Variants in FER1L6 observed in about 807,000 individuals in gnomAD.
The protein encoded by FER1L6 is fer-1 like family member 6, also known as fer-1-like protein 6.
A neutral mutation model predicts 219.2 loss-of-function variants in FER1L6; 177 were observed. The observed-to-expected ratio is 0.81, with a 90% CI of 0.71 to 0.91. The LOEUF (loss-of-function observed/expected upper bound fraction) is 0.91, where lower values mean the gene tolerates loss of function less well. Among genes scored for constraint, FER1L6 ranks in the 40% least tolerant of loss-of-function variants. The pLI is 0.00. For synonymous variants in FER1L6, 768 were observed against 824.3 expected (o/e 0.93, Z 1.17); for missense variants, 2,153 against 2,259.9 (o/e 0.95, Z 0.96).
chr8:123,950,555 A>G (rs1418963209), intron 1 of FER1L6, among the ~76,000 whole-genome samples: 1 of 152,204 alleles, frequency 6.6e-6, no homozygotes, highest in African/African-American at 2.4e-5. Flanking sequence ...CTTGGTTCAG[A>G]GAAGCCAAAG....
intron 1 of FER1L6, among the ~76,000 whole-genome samples, chr8:123,936,911 A>AT (rs959956976): frequency 8.6e-5 from 13 of 151,608 alleles, no homozygotes; most frequent in African/African-American, 2.2e-4. Flanking sequence ...GTTAAAGAAC[A>AT]TTTTTTTTTG....
chr8:123,874,788 C>A (rs568403849), intron 1 of FER1L6, among the ~76,000 whole-genome samples: 3 of 152,172 alleles, frequency 2.0e-5, no homozygotes, highest in African/African-American at 7.2e-5. Flanking sequence ...TCAAATGTTC[C>A]CTCTCTAGTG....
At chr8:123,957,140 C>T (rs757329207) in intron 2 of FER1L6, among the ~76,000 whole-genome samples, 5 of 152,208 alleles carry the variant, frequency 3.3e-5, no homozygotes, top group Non-Finnish European at 7.3e-5. Context: ...TGCTTCACTG[C>T]CATCTACTGC....
At chr8:123,974,088 G>A (rs1039206362) in intron 7 of FER1L6, among the ~76,000 whole-genome samples, 60 of 152,170 alleles carry the variant, frequency 3.9e-4, no homozygotes, top group African/African-American at 1.4e-3. Context: ...GAAAAGCAAC[G>A]TAATTTGTTC....
intron 34 of FER1L6, among the ~76,000 whole-genome samples, chr8:124,094,207 TC>T (rs1194919405): frequency 6.6e-6 from 1 of 152,242 alleles, no homozygotes. Flanking sequence ...ACCCTGATTT[TC>T]CAGGTCCTCT....
At position 124,034,219 on chromosome 8, in the gene FER1L6, T is replaced by G. The variant is rs369086186; in HGVS notation, c.2287-1058T>G. Among the ~76,000 whole-genome samples the G allele has an allele frequency of 4.6e-4, 69 of 151,358 alleles. 2 individuals are homozygous for G. The South Asian group carries it at 0.014, about 31-fold the overall frequency. The stretch of plus-strand genomic sequence containing the variant: ...TCTAAGAAACACCAGGAAGAGGAAC[T>G]TAGAAGAAGAGTTGACAACATTTTG... On this transcript the variant is annotated intron_variant, in intron 18 of 40. Transcript: ENST00000522917.
chr8:123,981,619 G>T (rs1816329939), intron 11 of FER1L6, among the ~76,000 whole-genome samples: 1 of 152,124 alleles, frequency 6.6e-6, no homozygotes, highest in Admixed American at 6.5e-5. Context: ...AGAGTCCAAA[G>T]GGGTATAGCA....
intron 20 of FER1L6, among the ~76,000 whole-genome samples, chr8:124,040,986 C>A (rs1819462783): frequency 6.6e-6 from 1 of 152,198 alleles, no homozygotes; most frequent in Non-Finnish European, 1.5e-5. Flanking sequence ...CTGTCTTTCT[C>A]CCTATCCTAT....
At chr8:123,869,937 T>C (rs913631117) in intron 1 of FER1L6, among the ~76,000 whole-genome samples, 1 of 152,152 alleles carries the variant, frequency 6.6e-6, no homozygotes, top group African/African-American at 2.4e-5. Flanking sequence ...CAAAGGCAAT[T>C]GGATAGAGAA....
At chr8:124,024,549 T>C (rs564984607) in intron 18 of FER1L6, among the ~76,000 whole-genome samples, 2 of 152,366 alleles carry the variant, frequency 1.3e-5, no homozygotes, top group Admixed American at 6.5e-5. Context: ...ATTCTTTTTA[T>C]GACTGAGTCA....
intron 1 of FER1L6, among the ~76,000 whole-genome samples, chr8:123,877,046 C>G (rs1202422927): frequency 6.6e-6 from 1 of 152,224 alleles, no homozygotes; most frequent in Non-Finnish European, 1.5e-5. Flanking sequence ...GTCTAGCTCC[C>G]TCCTCACCCA....
chr8:124,012,048 A>T (rs1419782838), intron 14 of FER1L6, among the ~76,000 whole-genome samples: 2 of 152,134 alleles, frequency 1.3e-5, no homozygotes, highest in Non-Finnish European at 2.9e-5. Context: ...TTTCTCTGAC[A>T]TCTTGCACCT....
intron 22 of FER1L6, among the ~76,000 whole-genome samples, chr8:124,055,926 C>T (rs1289833068): frequency 6.6e-6 from 1 of 152,090 alleles, no homozygotes; most frequent in Non-Finnish European, 1.5e-5. Context: ...CCTTTACCTT[C>T]AAGCCAGCCA....
intron 37 of FER1L6, among the ~76,000 whole-genome samples, chr8:124,099,570 A>G (rs1180487372): frequency 1.3e-5 from 2 of 152,290 alleles, no homozygotes; most frequent in South Asian, 2.1e-4. Flanking sequence ...TAGGTGGACC[A>G]CAGCAATACC....
intron 39 of FER1L6, among the ~76,000 whole-genome samples, chr8:124,118,341 G>C (rs541111635): frequency 9.8e-5 from 15 of 152,300 alleles, no homozygotes; most frequent in Admixed American, 9.2e-4. Context: ...GGGAGGGAGT[G>C]CTATAATAAA....
At chr8:123,866,817 C>A (rs1816846233) in intron 1 of FER1L6, among the ~76,000 whole-genome samples, 1 of 152,154 alleles carries the variant, frequency 6.6e-6, no homozygotes, top group African/African-American at 2.4e-5. Flanking sequence ...TGGGGTCTCT[C>A]TTTATTGCCC....
intron 1 of FER1L6, among the ~76,000 whole-genome samples, chr8:123,883,994 G>T (rs953093658): frequency 1.3e-5 from 2 of 152,164 alleles, no homozygotes; most frequent in Non-Finnish European, 2.9e-5. Context: ...CATACACATG[G>T]TTTTTTCATA....
At chr8:124,038,894 T>C (rs967086364) in intron 19 of FER1L6, among the ~76,000 whole-genome samples, 6 of 152,148 alleles carry the variant, frequency 3.9e-5, no homozygotes, top group Non-Finnish European at 7.4e-5. Flanking sequence ...CTGAACACAG[T>C]GGCTTTGGGG....
chr8:123,934,475 G>T (rs1457232854), intron 1 of FER1L6, among the ~76,000 whole-genome samples: 3 of 151,918 alleles, frequency 2.0e-5, no homozygotes, highest in Non-Finnish European at 4.4e-5. Context: ...GATTTTAGCA[G>T]ACTTTTTTCT....
Sources: allele counts gnomAD v4.1 joint callset (sites outside exome capture counted in the v4.1 genomes callset), GRCh38; gene constraint gnomAD v4.1.1; transcripts MANE v1.5; gene names NCBI Gene and HGNC (gene_info 2026-07-23, HGNC 2026-07-21).